The following CCDC88B variants were observed in gnomAD, a reference collection of about 807,000 sequenced individuals.
CCDC88B encodes the protein coiled-coil and HOOK domain protein 88B.
In CCDC88B, 138 loss-of-function variants were observed where a neutral mutation model predicts 183.7. The observed-to-expected ratio is 0.75, with a 90% CI of 0.65 to 0.87. The LOEUF (loss-of-function observed/expected upper bound fraction) is 0.87, where lower values mean the gene tolerates loss of function less well. Among genes scored for constraint, CCDC88B ranks in the 40% least tolerant of loss-of-function variants. CCDC88B has a pLI of 0.00. For synonymous variants in CCDC88B, 835 were observed against 867.5 expected (o/e 0.96, Z 0.66); for missense variants, 1,822 against 1,965.6 (o/e 0.93, Z 1.38).
At chr11:64,342,882 G>A (rs552313782) in intron 10 of CCDC88B, 11,842 of 495,124 alleles carry the variant, frequency 0.024, 275 homozygotes, top group Non-Finnish European at 0.034. Context: ...GGAGTGGGGG[G>A]GCTGTGTAAG....
intron 26 of CCDC88B, chr11:64,355,849 T>G: frequency 2.1e-6 from 1 of 469,848 alleles, no homozygotes; most frequent in Non-Finnish European, 3.8e-6. Context: ...CCACTAGAAA[T>G]ATGGTGTGAA....
In CCDC88B at chr11:64,352,263, A is replaced by G; in HGVS notation, c.3233A>G (p.His1078Arg). 2 of 1,600,886 alleles carry G rather than the reference A, an allele frequency of 1.2e-6. No individual in the cohort carries two copies. Among genetic ancestry groups the G allele is most frequent in the Non-Finnish European group, 1.7e-6 (2 of 1,174,176 alleles). Residue 1078 changes from histidine (H) to arginine (R), a missense_variant, in exon 19 of 27, where the codon CAC becomes CGC. His to Arg is a conservative substitution (Grantham distance 29). Coordinates refer to ENST00000356786, the MANE Select transcript of CCDC88B (RefSeq NM_032251.6). ...CAGCAGCAGGCCCTGCTTCGGGACC[A>G]CAAGGCCCTGGCACAGCTGCAGCGG... is the stretch of plus-strand genomic sequence containing the variant. Reference protein sequence around the residue: ...RGQQQALLRDHKALAQLQRRQ... With the variant: ...RGQQQALLRDRKALAQLQRRQ...
At position 64,343,295 on chromosome 11, in the gene CCDC88B, G is replaced by T. The variant is rs2035962193; in HGVS notation, c.1179G>T (p.Leu393=). 2 of 1,550,336 alleles carry T rather than the reference G, an allele frequency of 1.3e-6. No homozygotes were observed. Among genetic ancestry groups the T allele is most frequent in the African/African-American group, 2.7e-5 (2 of 73,172 alleles). The change falls in exon 11 of 27, where the codon CTG becomes CTT. Residue 393 remains leucine, a synonymous_variant. Transcript: ENST00000356786. ...RLHETQRENL[L]LRTRLGEAHA... is the part of the protein sequence containing the mutation. ...ACGAGACCCAGCGCGAGAACCTGCT[G>T]CTGCGAACCCGGCTGGGCGAGGCCC...
chr11:64,342,882 G>T lies in CCDC88B; in HGVS notation c.1062+202G>T, dbSNP rs552313782. 407 of 495,170 alleles carry T rather than the reference G, an allele frequency of 8.2e-4. 5 individuals carry two copies. The highest frequency in any genetic ancestry group is 7.3e-3 in the African/African-American group (343 of 46,870). The allele number at this position is 495,170 out of a possible 1,614,324, so 30.7% of individuals were successfully genotyped here. On this transcript the variant is annotated intron_variant, in intron 10 of 26. Transcript: ENST00000356786. ...TGGGGCAGGTGTAGGGGAGTGGGGG[G>T]GCTGTGTAAGTGATGCAGCCTTGGA...
At chr11:64,342,475 C>A in intron 9 of CCDC88B, 47 bp from the exon 10 acceptor site, 1 of 1,532,960 alleles carries the variant, frequency 6.5e-7, no homozygotes. Flanking sequence ...TCCCTAATCC[C>A]TCTGGCCCGC....
At position 64,344,485 on chromosome 11, in the gene CCDC88B, C is replaced by T. The variant is rs1239288232; in HGVS notation, c.1944C>T (p.His648=). ...GGTTGAGACAGGAGGGCCCTGAGCA[C>T]AAGCCAGGGCCTTCGGAGCCCAGCT... ...AWGLRQEGPE[H]KPGPSEPSSV... Residue 648 remains histidine, a synonymous_variant, in exon 14 of 27, where the codon CAC becomes CAT. Coordinates refer to ENST00000356786, the MANE Select transcript of CCDC88B (RefSeq NM_032251.6). This position sits in a 1 kb window ranked among gnomAD's most constrained non-coding sequence, Gnocchi z 4.5. 1.9e-6 allele frequency: 3 copies of T among 1,601,554 alleles called. No individual in the cohort carries two copies. The highest frequency in any genetic ancestry group is 2.6e-6 in the Non-Finnish European group (3 of 1,174,212).
Position 64,343,987 on chromosome 11 carries a change from A to G in CCDC88B, c.1456-10A>G. The G allele has an allele frequency of 1.3e-6, 2 of 1,556,602 alleles. No individual in the cohort carries two copies. The highest frequency in any genetic ancestry group is 1.7e-6 in the Non-Finnish European group (2 of 1,148,862). On this transcript the variant is annotated splice_polypyrimidine_tract_variant and intron_variant, in intron 13 of 26. Transcript: ENST00000356786. ...CCCTGGGCCTGACTGTCCCTCTCGT[A>G]TGCCCTCAGCACCCCCTGCTGGAGG...
intron 17 of CCDC88B, 46 bp downstream of exon 17, chr11:64,351,301 T>C: frequency 4.7e-6 from 7 of 1,496,130 alleles, no homozygotes; most frequent in Non-Finnish European, 4.5e-6. Context: ...CCCCGTGCAG[T>C]GTGAGTGTGG....
At chr11:64,353,887 G>A in intron 23 of CCDC88B, 74 bp downstream of exon 23, 1 of 1,596,434 alleles carries the variant, frequency 6.3e-7, no homozygotes, top group Non-Finnish European at 8.6e-7. Flanking sequence ...TCTGACCCCA[G>A]GCCCAGCTCA....
rs150565730 is a variant in CCDC88B, at chr11:64,352,892, C to T, written c.3500+5C>T. On this transcript the variant is annotated splice_donor_5th_base_variant and intron_variant, in intron 20 of 26. Coordinates refer to ENST00000356786, the MANE Select transcript of CCDC88B (RefSeq NM_032251.6). ...GCTTCAGAGCGAGCACGACAGGTGC[C>T]GCCCCTGCCACAGCCTCTAGCAGCT... 2,880 of 1,573,996 alleles carry T rather than the reference C, an allele frequency of 1.8e-3. 22 individuals are homozygous for T. In the Middle Eastern group the frequency reaches 0.021, roughly 11 times the overall value.
Position 64,343,580 on chromosome 11 carries a change from G to A in CCDC88B, c.1283G>A (p.Arg428Gln), listed in dbSNP as rs1479239287. 5.8e-6 allele frequency: 9 copies of A among 1,551,760 alleles called. No individual in the cohort carries two copies. The Admixed American group carries it at 5.9e-5, about 10-fold the overall frequency. Residue 428 changes from arginine to glutamine, a missense_variant, in exon 12 of 27, where the codon CGG becomes CAG. Transcript: ENST00000356786. ...ENVELELELQ[R>Q]SLEPPPGSPG... is the part of the protein sequence containing the mutation. ...GTGGAGCTGGAGCTGGAGCTTCAGC[G>A]GAGCTTGGAGCCACCTCCAGGATCC...
intron 5 of CCDC88B, 34 bp downstream of exon 5, chr11:64,341,362 G>C: frequency 6.2e-7 from 1 of 1,614,004 alleles, no homozygotes; most frequent in Non-Finnish European, 8.5e-7. Flanking sequence ...GGTTAGGGTC[G>C]AGCTTTGGCG....
intron 7 of CCDC88B, 53 bp from the exon 8 acceptor site, chr11:64,341,941 A>G: frequency 1.3e-6 from 2 of 1,563,720 alleles, no homozygotes; most frequent in East Asian, 4.9e-5. Flanking sequence ...TTGGGGGTCG[A>G]TGTGCAGAGG....
chr11:64,352,922 G>A, intron 20 of CCDC88B, 35 bp downstream of exon 20: 1 of 1,534,918 alleles, frequency 6.5e-7, no homozygotes, highest in Non-Finnish European at 8.8e-7. Flanking sequence ...GCAGCTCTCA[G>A]TGGCCCCATC....
intron 17 of CCDC88B, 96 bp downstream of exon 17, chr11:64,351,351 T>C (rs1251040112): frequency 3.6e-5 from 55 of 1,511,592 alleles, no homozygotes; most frequent in Non-Finnish European, 4.7e-5. Flanking sequence ...TCCCGTGCAG[T>C]GTGAGTGTGG....
chr11:64,352,632 G>A (rs1183478982), intron 19 of CCDC88B, 112 bp from the exon 20 acceptor site: 4 of 1,500,148 alleles, frequency 2.7e-6, no homozygotes, highest in Non-Finnish European at 1.8e-6. Flanking sequence ...TCCTCTGGGG[G>A]ACCTAGGCTT....
intron 16 of CCDC88B, 68 bp downstream of exon 16, chr11:64,349,736 G>C: frequency 1.4e-6 from 2 of 1,385,688 alleles, no homozygotes; most frequent in Non-Finnish European, 1.0e-6. Context: ...GCAGATGCCA[G>C]GGTCATCTGT....
intron 20 of CCDC88B, 77 bp from the exon 21 acceptor site, chr11:64,352,977 C>T (rs969324175): frequency 6.6e-7 from 1 of 1,504,134 alleles, no homozygotes; most frequent in East Asian, 2.5e-5. Flanking sequence ...GCCTCCCCTC[C>T]CCGGCATAAC....
chr11:64,352,690 T>C, intron 19 of CCDC88B, 54 bp from the exon 20 acceptor site: 2 of 1,611,312 alleles, frequency 1.2e-6, no homozygotes, highest in Non-Finnish European at 1.7e-6. Context: ...TCCAGCCAGC[T>C]GCTTGTGGTG....
Sources: gnomAD v4.1 joint callset for allele counts on GRCh38, gnomAD v4.1.1 for gene constraint, Gnocchi (gnomAD v3.1) non-coding constraint, MANE v1.5 for transcripts, NCBI Gene and HGNC (gene_info 2026-07-23, HGNC 2026-07-21) for gene names.